Variants in NAV3 observed in about 807,000 individuals in gnomAD.
The protein encoded by NAV3 is pore membrane and/or filament interacting like protein 1.
Under a neutral mutation model 244.7 loss-of-function variants are expected in NAV3, and 87 were observed. The ratio of observed to expected loss-of-function variants is 0.36; its 90% CI spans 0.30 to 0.42. NAV3 has a LOEUF of 0.42. Among genes scored for constraint, NAV3 ranks in the 20% least tolerant of loss-of-function variants. NAV3 has a pLI of 1.00. For synonymous variants in NAV3, 1,126 were observed against 1,042.2 expected (o/e 1.08, Z -1.55); for missense variants, 2,663 against 2,893.3 (o/e 0.92, Z 1.83).
At chr12:78,086,353 T>G (rs1471782056) in intron 12 of NAV3, among the ~76,000 whole-genome samples, 1 of 152,118 alleles carries the variant, frequency 6.6e-6, no homozygotes. Flanking sequence ...GTCTGGGATA[T>G]GTATTGTTAG....
upstream of NAV3, among the ~76,000 whole-genome samples, chr12:77,826,238 T>C (rs1872995997): frequency 6.6e-6 from 1 of 152,210 alleles, no homozygotes; most frequent in Admixed American, 6.5e-5. Flanking sequence ...ACAGGCAATG[T>C]AGCTCAAGTC....
intron 2 of NAV3, among the ~76,000 whole-genome samples, chr12:77,793,118 A>G (rs1871256278): frequency 6.6e-6 from 1 of 152,180 alleles, no homozygotes; most frequent in African/African-American, 2.4e-5. Flanking sequence ...TAGTTGAAAA[A>G]ATATGAACAA....
At chr12:77,576,267 T>A (rs1301748766) in intron 2 of NAV3, among the ~76,000 whole-genome samples, 1 of 152,040 alleles carries the variant, frequency 6.6e-6, no homozygotes, top group Non-Finnish European at 1.5e-5. Flanking sequence ...CCTATTATTT[T>A]AGGCTCCTGT....
intron 2 of NAV3, among the ~76,000 whole-genome samples, chr12:77,614,523 A>G (rs1158194447): frequency 6.6e-6 from 1 of 152,166 alleles, no homozygotes; most frequent in Non-Finnish European, 1.5e-5. Flanking sequence ...TTATTCTTTG[A>G]AAAATGGAAT....
chr12:78,123,191 T>G (rs148339315), intron 16 of NAV3, among the ~76,000 whole-genome samples: 1 of 152,142 alleles, frequency 6.6e-6, no homozygotes, highest in African/African-American at 2.4e-5. Flanking sequence ...CAGGAAAATG[T>G]CTTAAAACCA....
chr12:78,019,630 T>C (rs776756888), intron 8 of NAV3, among the ~76,000 whole-genome samples: 17 of 152,028 alleles, frequency 1.1e-4, no homozygotes, highest in Non-Finnish European at 1.6e-4. Context: ...ATCAACTGGA[T>C]GAAGTTGGGA....
intron 18 of NAV3, among the ~76,000 whole-genome samples, chr12:78,135,533 A>G (rs1380535270): frequency 2.0e-5 from 3 of 152,208 alleles, no homozygotes; most frequent in Non-Finnish European, 4.4e-5. Flanking sequence ...CCAAAAAGCA[A>G]ATAAAATATC....
intron 12 of NAV3, among the ~76,000 whole-genome samples, chr12:78,105,150 A>G (rs962148593): frequency 7.2e-5 from 11 of 152,240 alleles, no homozygotes; most frequent in Admixed American, 6.5e-4. Context: ...ATACCAACTG[A>G]CAACATTAAT....
At position 78,175,418 on chromosome 12, in the gene NAV3, G is replaced by T; in HGVS notation, c.5094G>T (p.Lys1698Asn). Reference protein sequence around the residue: ...GNDADSKKKKKKNWVNSRGSE... With the variant: ...GNDADSKKKKNKNWVNSRGSE... ...ATGCCGACTCCAAGAAGAAGAAAAA[G>T]AAAAACTGGGTAAGTTACCATCCTT... The change falls in exon 25 of 40, where the codon AAG (lysine) becomes AAT (asparagine). Residue 1698 changes from lysine (K) to asparagine (N), a missense_variant. Around this residue, in one of 6 missense-constraint regions of NAV3, gnomAD observed 193 missense variants for 200.7 expected, o/e 0.96. Transcript: ENST00000397909. The T allele has an allele frequency of 6.2e-7, 1 of 1,609,606 alleles. No individual in the cohort carries two copies. Among genetic ancestry groups the T allele is most frequent in the South Asian group, 1.1e-5 (1 of 91,012 alleles).
At chr12:78,008,644 A>T (rs1428307069) in intron 8 of NAV3, among the ~76,000 whole-genome samples, 1 of 112,130 alleles carries the variant, frequency 8.9e-6, no homozygotes, top group Admixed American at 9.0e-5. Flanking sequence ...AAAGCAGTTT[A>T]TACTGATTTA....
At chr12:77,969,817 G>A (rs141698955) in intron 5 of NAV3, among the ~76,000 whole-genome samples, 224 of 139,274 alleles carry the variant, frequency 1.6e-3, no homozygotes, top group African/African-American at 5.8e-3. Context: ...GTGACAGAGC[G>A]AGACTCTGTC....
intron 2 of NAV3, among the ~76,000 whole-genome samples, chr12:77,670,057 G>T (rs1026938809): frequency 4.6e-5 from 7 of 151,912 alleles, no homozygotes; most frequent in Non-Finnish European, 8.8e-5. Context: ...CATTCTTGAG[G>T]TTAAACAGGA....
At chr12:78,092,836 G>T (rs1381431334) in intron 12 of NAV3, among the ~76,000 whole-genome samples, 1 of 152,018 alleles carries the variant, frequency 6.6e-6, no homozygotes, top group Admixed American at 6.6e-5. Flanking sequence ...ATCCATATTC[G>T]CTTGGGTCTT....
chr12:77,683,751 T>G (rs770537), intron 2 of NAV3, among the ~76,000 whole-genome samples: 124,020 of 151,950 alleles, frequency 0.82, 52,956 homozygotes, highest in East Asian at 1. Context: ...TTGAGATTCT[T>G]TTGTTTACTG....
intron 2 of NAV3, among the ~76,000 whole-genome samples, chr12:77,782,988 G>A (rs1870740371): frequency 6.6e-6 from 1 of 152,108 alleles, no homozygotes; most frequent in Non-Finnish European, 1.5e-5. Context: ...GGGAGCTTGG[G>A]AAGAAACAGT....
intron 20 of NAV3, 26 bp downstream of exon 20, chr12:78,140,360 C>T (rs2139067537): frequency 1.3e-6 from 2 of 1,596,362 alleles, no homozygotes; most frequent in Non-Finnish European, 1.7e-6. Context: ...TAAGAAAAAG[C>T]TTGTGCTTTT....
At chr12:77,787,878 T>C (rs1870980527) in intron 2 of NAV3, among the ~76,000 whole-genome samples, 1 of 152,250 alleles carries the variant, frequency 6.6e-6, no homozygotes, top group Non-Finnish European at 1.5e-5. Flanking sequence ...CACAGACTTA[T>C]GACAATTATT....
At chr12:78,153,402 A>G (rs1014273039) in intron 22 of NAV3, among the ~76,000 whole-genome samples, 4 of 152,096 alleles carry the variant, frequency 2.6e-5, no homozygotes, top group East Asian at 1.9e-4. Flanking sequence ...GTCCTTAGAA[A>G]GGAGAGCGGT....
intron 8 of NAV3, among the ~76,000 whole-genome samples, chr12:78,010,286 C>A (rs1376392826): frequency 6.6e-6 from 1 of 152,112 alleles, no homozygotes; most frequent in Admixed American, 6.5e-5. Flanking sequence ...TTTCACTGTT[C>A]TATCCCCATG....
Sources: allele counts gnomAD v4.1 joint callset (sites outside exome capture counted in the v4.1 genomes callset), GRCh38; gene constraint gnomAD v4.1.1; regional missense constraint gnomAD v4.1.1; transcripts MANE v1.5; gene names NCBI Gene and HGNC (gene_info 2026-07-23, HGNC 2026-07-21).